SHH: variants seen among roughly 807,000 people sequenced by gnomAD.
The protein encoded by SHH is sonic hedgehog signaling molecule, also known as sonic hedgehog protein.
In SHH, 3 loss-of-function variants were observed where a neutral mutation model predicts 16.6. The observed-to-expected ratio is 0.18, with a 90% CI of 0.08 to 0.47. The LOEUF is 0.47. Ranked by LOEUF, SHH falls within the 20% of genes least tolerant of loss-of-function variation. The pLI is 0.98. For missense variants in SHH, 499 were observed against 665.0 expected (o/e 0.75, Z 2.75); for synonymous variants, 351 against 316.2 (o/e 1.11, Z -1.17).
chr7:155,811,382 C>T (rs1419397545), intron 1 of SHH, among the ~76,000 whole-genome samples: 6 of 152,202 alleles, frequency 3.9e-5, no homozygotes, highest in African/African-American at 1.4e-4. Context: ...ATGCCCAAGG[C>T]TACGTTCGTT....
intron 2 of SHH, among the ~76,000 whole-genome samples, chr7:155,805,702 G>A (rs1248220666): frequency 6.6e-6 from 1 of 152,124 alleles, no homozygotes; most frequent in African/African-American, 2.4e-5. Flanking sequence ...CGCCCAGGGC[G>A]TCCCGGCCCG....
Position 155,812,059 on chromosome 7 carries a change from G to T in SHH, c.64C>A (p.Leu22Met). The change falls in exon 1 of 3, where the codon CTG (leucine) becomes ATG (methionine). Residue 22 changes from leucine (L) to methionine (M), a missense_variant. Leu to Met is a conservative substitution (Grantham distance 15, BLOSUM62 2). This residue lies in a region of SHH where 75 missense variants were observed against 115.0 expected (regional missense o/e 0.65). Coordinates refer to ENST00000297261, the MANE Select transcript of SHH (RefSeq NM_000193.4). ...LVSSLLVCSG[L>M]ACGPGRGFGK... The stretch of plus-strand genomic sequence containing the variant: ...AACCCCCTGCCCGGTCCGCACGCCA[G>T]TCCCGAGCATACCAGCAGCGAGGAG... 6.2e-7 allele frequency: 1 copy of T among 1,614,204 alleles called. No individual in the cohort carries two copies. Among genetic ancestry groups the T allele is most frequent in the Non-Finnish European group, 8.5e-7 (1 of 1,180,020 alleles).
At position 155,800,171 on chromosome 7, in the gene SHH, G is replaced by A. The variant is rs553158506; in HGVS notation, c.*2729C>T. 2.8e-5 allele frequency: 13 copies of A among 471,310 alleles called. No individual in the cohort carries two copies. The highest frequency in any genetic ancestry group is 6.0e-5 in the African/African-American group (3 of 50,222). The allele number at this position is 471,310 out of a possible 1,614,324, so 29.2% of individuals were successfully genotyped here. On this transcript the variant is annotated 3_prime_UTR_variant, in exon 3 of 3. Coordinates refer to ENST00000297261, the MANE Select transcript of SHH (RefSeq NM_000193.4). ...ACCCTGAATGAGAAGTCGGCGCCTC[G>A]TCCTGGCGGGGCTGGGCTGCACCCT...
At position 155,800,960 on chromosome 7, in the gene SHH, C is replaced by T. The variant is rs1803167256; in HGVS notation, c.*1940G>A. 4.5e-6 allele frequency: 1 copy of T among 221,462 alleles called. No individual in the cohort carries two copies. Among genetic ancestry groups the T allele is most frequent in the Admixed American group, 5.1e-5 (1 of 19,728 alleles). 13.7% of individuals were successfully genotyped at this position (221,462 alleles called of 1,614,324 possible). The stretch of plus-strand genomic sequence containing the variant: ...CATGCAGCGCAACTCTTCCAAGGCC[C>T]AGCCTGCTCAGACGATTCGGCCCAA... On this transcript the variant is annotated 3_prime_UTR_variant, in exon 3 of 3. Transcript: ENST00000297261.
Position 155,806,443 on chromosome 7 carries a change from G to T in SHH, c.415C>A (p.Leu139Met), listed in dbSNP as rs1803364604. Residue 139 changes from leucine to methionine, a missense_variant, in exon 2 of 3, where the codon CTG becomes ATG. Physicochemically the swap from Leu to Met is conservative, Grantham distance 15 (BLOSUM62 2). This residue lies in a region of SHH where 114 missense variants were observed against 200.4 expected (regional missense o/e 0.57). Transcript: ENST00000297261. ...DEDGHHSEES[L>M]HYEGRAVDIT... is the part of the protein sequence containing the mutation. ...TCCACTGCGCGGCCCTCGTAGTGCA[G>T]AGACTCCTCTGAGTGGTGGCCATCT... The T allele has an allele frequency of 6.2e-7, 1 of 1,613,868 alleles. No homozygotes were observed. The highest frequency in any genetic ancestry group is 8.5e-7 in the Non-Finnish European group (1 of 1,180,044).
At chr7:155,805,921 C>T (rs1803349169) in intron 2 of SHH, among the ~76,000 whole-genome samples, 1 of 152,224 alleles carries the variant, frequency 6.6e-6, no homozygotes, top group African/African-American at 2.4e-5. Flanking sequence ...GTTCTTAAGC[C>T]CTAAACGAGA....
chr7:155,811,219 C>G (rs1454156439), intron 1 of SHH, among the ~76,000 whole-genome samples: 4 of 152,252 alleles, frequency 2.6e-5, no homozygotes, highest in African/African-American at 4.8e-5. Flanking sequence ...CACCCAGGGA[C>G]GGGCGGAGTC....
In SHH at chr7:155,809,836, G is replaced by C. The variant is rs77790298; in HGVS notation, c.300+1987C>G. ...CCCCCGGCAGGGCGGACGGGGGTCGGGGGGAGGCCCCCGGGCTGGGGGCTC... is the reference window on the plus strand; with the variant it reads ...CCCCCGGCAGGGCGGACGGGGGTCGCGGGGAGGCCCCCGGGCTGGGGGCTC... On this transcript the variant is annotated intron_variant, in intron 1 of 2. Coordinates refer to ENST00000297261, the MANE Select transcript of SHH (RefSeq NM_000193.4). The surrounding 1 kb of genome is among the most constrained non-coding windows in gnomAD (Gnocchi z 6.1). Among the ~76,000 whole-genome samples the C allele has an allele frequency of 6.4e-3, 975 of 151,776 alleles. 17 individuals are homozygous for C. Among genetic ancestry groups the C allele is most frequent in the African/African-American group, 0.023 (941 of 41,480 alleles).
In SHH at chr7:155,802,060, G is replaced by A. The variant is rs1448656815; in HGVS notation, c.*840C>T. On this transcript the variant is annotated 3_prime_UTR_variant, in exon 3 of 3. Transcript: ENST00000297261. Reference sequence around the variant, plus strand: ...AAATTCTTTGAAGTTAAAAATAACAGTTCTTCCAGTTTGTCCAAAAAAAAA... The same window carrying A: ...AAATTCTTTGAAGTTAAAAATAACAATTCTTCCAGTTTGTCCAAAAAAAAA... The A allele has an allele frequency of 1.2e-5, 1 of 86,066 alleles. No homozygotes were observed. The highest frequency in any genetic ancestry group is 2.2e-5 in the Non-Finnish European group (1 of 45,434). 5.3% of individuals were successfully genotyped at this position (86,066 alleles called of 1,614,324 possible). A position where few individuals can be genotyped will look rare whatever the true frequency, so the allele number is the denominator to read the frequency against.
chr7:155,800,135 T>C lies in SHH; in HGVS notation c.*2765A>G. On this transcript the variant is annotated 3_prime_UTR_variant, in exon 3 of 3. Transcript: ENST00000297261. Reference sequence around the variant, plus strand: ...CATGCATACATTTTGCACAAACTCTTGGCTCCGTCAACCCTGAATGAGAAG... The same window carrying C: ...CATGCATACATTTTGCACAAACTCTCGGCTCCGTCAACCCTGAATGAGAAG... 1 of 471,644 alleles carries C rather than the reference T, an allele frequency of 2.1e-6. No individual in the cohort carries two copies. Among genetic ancestry groups the C allele is most frequent in the South Asian group, 1.5e-5 (1 of 64,574 alleles). The allele number at this position is 471,644 out of a possible 1,614,324, so 29.2% of individuals were successfully genotyped here.
chr7:155,807,723 T>C lies in SHH; in HGVS notation c.301-1166A>G, dbSNP rs1233556. Among the ~76,000 whole-genome samples, 125,337 of 152,110 alleles carry C rather than the reference T, an allele frequency of 0.82. 51,972 individuals are homozygous for C. Among genetic ancestry groups the C allele is most frequent in the East Asian group, 0.98 (5,081 of 5,172 alleles). ...TTACCCTGCTGCTGCTGGTGGGACA[T>C]GGGATTTAAAGAGGGGGAACTGGCA... On this transcript the variant is annotated intron_variant, in intron 1 of 2. Transcript: ENST00000297261. The surrounding 1 kb of genome is among the most constrained non-coding windows in gnomAD (Gnocchi z 7.1).
chr7:155,803,001 C>T lies in SHH; in HGVS notation c.1288G>A (p.Ala430Thr). The change falls in exon 3 of 3, where the codon GCG (alanine) becomes ACG (threonine). Residue 430 changes from alanine (A) to threonine (T), a missense_variant. Physicochemically the swap from Ala to Thr is moderately conservative, Grantham distance 58 (BLOSUM62 0). Transcript: ENST00000297261. ...AGCTGCGAGTACCAGTGGATGCCCG[C>T]GGTGGCCCCCGCACCCGGAGCGTCG... ...AADAPGAGAT[A>T]GIHWYSQLLY... is the part of the protein sequence containing the mutation. 1 of 1,566,654 alleles carries T rather than the reference C, an allele frequency of 6.4e-7. No individual in the cohort carries two copies.
intron 1 of SHH, chr7:155,806,934 C>T (rs541434966): frequency 8.2e-4 from 259 of 315,748 alleles, no homozygotes; most frequent in South Asian, 2.8e-3. Flanking sequence ...GGATACCCGC[C>T]CCGCCCCCAC....
At chr7:155,808,054 C>T (rs1159272427) in intron 1 of SHH, among the ~76,000 whole-genome samples, 1 of 152,108 alleles carries the variant, frequency 6.6e-6, no homozygotes, top group Non-Finnish European at 1.5e-5. Flanking sequence ...AGCAATAAAA[C>T]CCAGTAATAT....
intron 2 of SHH, among the ~76,000 whole-genome samples, chr7:155,804,248 G>C (rs571864790): frequency 6.6e-6 from 1 of 151,558 alleles, no homozygotes; most frequent in Non-Finnish European, 1.5e-5. Context: ...CCGCCTGCCC[G>C]CCTGCCCGCA....
At chr7:155,804,791 G>C (rs1311473850) in intron 2 of SHH, among the ~76,000 whole-genome samples, 1 of 151,946 alleles carries the variant, frequency 6.6e-6, no homozygotes, top group Non-Finnish European at 1.5e-5. Context: ...GGCCGGGGAG[G>C]AGGGCGGGGA....
chr7:155,811,180 C>T (rs1169043965), intron 1 of SHH, among the ~76,000 whole-genome samples: 1 of 152,262 alleles, frequency 6.6e-6, no homozygotes, highest in Admixed American at 6.5e-5. Flanking sequence ...GACACGCAAT[C>T]GCAAAGCCAG....
At chr7:155,805,470 A>G (rs1339736412) in intron 2 of SHH, among the ~76,000 whole-genome samples, 3 of 152,244 alleles carry the variant, frequency 2.0e-5, no homozygotes, top group African/African-American at 7.2e-5. Flanking sequence ...GGGGTTGAGG[A>G]AGGCAGAGTT....
intron 1 of SHH, among the ~76,000 whole-genome samples, chr7:155,811,575 C>A (rs1447792095): frequency 5.9e-5 from 9 of 152,114 alleles, no homozygotes; most frequent in African/African-American, 7.2e-5. Flanking sequence ...CAAATCAGGG[C>A]CATAATGAAC....
Sources: gnomAD v4.1 joint callset for allele counts (sites outside exome capture counted in the v4.1 genomes callset) on GRCh38, gnomAD v4.1.1 for gene constraint, gnomAD v4.1.1 regional missense constraint, Gnocchi (gnomAD v3.1) non-coding constraint, MANE v1.5 for transcripts, NCBI Gene and HGNC (gene_info 2026-07-23, HGNC 2026-07-21) for gene names.